Variants in NSL1 observed in about 807,000 individuals in gnomAD.
NSL1 encodes NSL1 component of MIS12 kinetochore complex.
Under a neutral mutation model 25.4 loss-of-function variants are expected in NSL1, and 11 were observed. The observed-to-expected ratio is 0.43, with a 90% CI of 0.27 to 0.72. NSL1 has a LOEUF of 0.72. NSL1 is among the 30% of genes least tolerant of loss of function. The probability of loss-of-function intolerance (pLI) is 0.19; values close to 1 mark genes in which losing one functional copy is unlikely to be tolerated. For missense variants in NSL1, 330 were observed against 342.7 expected (o/e 0.96, Z 0.29); for synonymous variants, 118 against 120.6 (o/e 0.98, Z 0.14).
At chr1:212,767,103 T>C (rs1391287844) in intron 4 of NSL1, among the ~76,000 whole-genome samples, 2 of 152,064 alleles carry the variant, frequency 1.3e-5, no homozygotes, top group African/African-American at 4.8e-5. Flanking sequence ...CTAAAATTCA[T>C]ATGAAACCAA....
intron 1 of NSL1, among the ~76,000 whole-genome samples, chr1:212,788,100 G>A (rs1222890665): frequency 1.3e-5 from 2 of 152,162 alleles, no homozygotes; most frequent in Non-Finnish European, 2.9e-5. Context: ...AATGACATGA[G>A]ATCTAAGATA....
At chr1:212,749,343 T>G (rs1425702275) in intron 4 of NSL1, among the ~76,000 whole-genome samples, 1 of 135,916 alleles carries the variant, frequency 7.4e-6, no homozygotes, top group African/African-American at 3.0e-5. Flanking sequence ...TATTGTGTTT[T>G]TTTTTTTTTT....
chr1:212,747,127 GC>G (rs1447371820), intron 4 of NSL1, among the ~76,000 whole-genome samples: 6 of 110,456 alleles, frequency 5.4e-5, no homozygotes, highest in African/African-American at 2.1e-4. Flanking sequence ...GGGCGACAGA[GC>G]AAAAAAAAAA....
At chr1:212,786,877 A>G (rs776919738) in intron 2 of NSL1, among the ~76,000 whole-genome samples, 28 of 152,204 alleles carry the variant, frequency 1.8e-4, no homozygotes, top group Non-Finnish European at 3.7e-4. Context: ...GGTGCCTACT[A>G]TGAGCCAAGA....
At position 212,737,765 on chromosome 1, in the gene NSL1, A is replaced by C; in HGVS notation, c.*643T>G. 1.0e-6 allele frequency: 1 copy of C among 984,966 alleles called. No individual in the cohort carries two copies. The highest frequency in any genetic ancestry group is 1.2e-6 in the Non-Finnish European group (1 of 829,476). 61.0% of individuals were successfully genotyped at this position (984,966 alleles called of 1,614,324 possible). A position where few individuals can be genotyped will look rare whatever the true frequency, so the allele number is the denominator to read the frequency against. ...AGTGTGGGCAGGAAACATTGGCTAC[A>C]TGCCAATTTTTATTTCAAAGAGTAA... On this transcript the variant is annotated 3_prime_UTR_variant, in exon 6 of 6. Transcript: ENST00000366977.
At chr1:212,756,262 G>A (rs916314557) in intron 4 of NSL1, among the ~76,000 whole-genome samples, 3 of 151,996 alleles carry the variant, frequency 2.0e-5, no homozygotes, top group Non-Finnish European at 4.4e-5. Context: ...TGGAACTACA[G>A]GCATGCACCA....
chr1:212,777,433 C>T (rs1238692483), intron 4 of NSL1, among the ~76,000 whole-genome samples: 3 of 151,868 alleles, frequency 2.0e-5, no homozygotes, highest in Non-Finnish European at 4.4e-5. Flanking sequence ...AAGTTAGTCC[C>T]CCTGTAAAGG....
In NSL1 at chr1:212,732,854, G is replaced by A. The variant is rs186060061; in HGVS notation, c.*5554C>T. Among the ~76,000 whole-genome samples, 1 of 152,240 alleles carries A rather than the reference G, an allele frequency of 6.6e-6. No individual in the cohort carries two copies. The highest frequency in any genetic ancestry group is 1.9e-4 in the East Asian group (1 of 5,184). ...CATGCACTTGATTATTAGTTTGACT[G>A]TGTATAAAAGCCTAGGTTGTATATC... On this transcript the variant is annotated 3_prime_UTR_variant, in exon 6 of 6. Transcript: ENST00000366977.
intron 4 of NSL1, among the ~76,000 whole-genome samples, chr1:212,752,193 CT>C (rs1247261304): frequency 3.3e-5 from 5 of 152,258 alleles, no homozygotes; most frequent in African/African-American, 1.2e-4. Flanking sequence ...AGTATTTCAG[CT>C]ACATTATAGA....
chr1:212,778,586 A>C (rs1660496333), intron 4 of NSL1, among the ~76,000 whole-genome samples: 1 of 152,024 alleles, frequency 6.6e-6, no homozygotes. Flanking sequence ...TTTTTGGTGG[A>C]GACGGGGTTT....
At chr1:212,779,563 G>A (rs1166361946) in intron 4 of NSL1, among the ~76,000 whole-genome samples, 1 of 108,640 alleles carries the variant, frequency 9.2e-6, no homozygotes, top group Non-Finnish European at 1.9e-5. Context: ...AGGTGGGGGT[G>A]TCAGCCCCCC....
rs1324724591 is a variant in NSL1 at position 212,727,155 on chromosome 1, A to G, written c.*11253T>C. On this transcript the variant is annotated 3_prime_UTR_variant, in exon 6 of 6. Transcript: ENST00000366977. ...TCCCCTTCTCTCCTAAACTGCCCCT[A>G]GAGCTAGTCCACCAGGCTTGGCTCC... 3 of 1,576,218 alleles carry G rather than the reference A, an allele frequency of 1.9e-6. No individual in the cohort carries two copies. Among genetic ancestry groups the G allele is most frequent in the Non-Finnish European group, 2.6e-6 (3 of 1,161,506 alleles).
rs768266636 is a variant in NSL1 at position 212,727,159 on chromosome 1, C to T, written c.*11249G>A. On this transcript the variant is annotated 3_prime_UTR_variant, in exon 6 of 6. Transcript: ENST00000366977. ...CTTCTCTCCTAAACTGCCCCTAGAG[C>T]TAGTCCACCAGGCTTGGCTCCTAAT... 6.4e-7 allele frequency: 1 copy of T among 1,574,646 alleles called. No homozygotes were observed. The highest frequency in any genetic ancestry group is 1.2e-5 in the South Asian group (1 of 85,386).
chr1:212,784,310 T>C, intron 3 of NSL1, 53 bp downstream of exon 3: 1 of 1,257,240 alleles, frequency 8.0e-7, no homozygotes, highest in Non-Finnish European at 1.1e-6. Context: ...TATATTTTAA[T>C]GTTTTTATTG....
At chr1:212,753,879 TG>T (rs1558046708) in intron 4 of NSL1, among the ~76,000 whole-genome samples, 1 of 152,202 alleles carries the variant, frequency 6.6e-6, no homozygotes, top group Non-Finnish European at 1.5e-5. Context: ...AGTATTTTAA[TG>T]AGGGTGGTTA....
Position 212,731,757 on chromosome 1 carries a change from C to T in NSL1, c.*6651G>A. 1 of 985,378 alleles carries T rather than the reference C, an allele frequency of 1.0e-6. No homozygotes were observed. The highest frequency in any genetic ancestry group is 1.2e-6 in the Non-Finnish European group (1 of 829,900). 61.0% of individuals were successfully genotyped at this position (985,378 alleles called of 1,614,324 possible). On this transcript the variant is annotated 3_prime_UTR_variant, in exon 6 of 6. Transcript: ENST00000366977. ...TGTGGTGGGTGAAGATTTCACTCCC[C>T]ACTGCCATGTCAAAGCTGGTGTTCA... is the stretch of plus-strand genomic sequence containing the variant.
chr1:212,788,523 C>CA (rs1053408131), intron 1 of NSL1, among the ~76,000 whole-genome samples: 15 of 151,690 alleles, frequency 9.9e-5, no homozygotes, highest in African/African-American at 2.7e-4. Context: ...GATAAAGAAC[C>CA]AAAAAACAAA....
chr1:212,732,316 C>CTTT lies in NSL1; in HGVS notation c.*6089_*6091dup, dbSNP rs10695741. The stretch of plus-strand genomic sequence containing the variant: ...ATCTCTTTTGGAGTCCTACATAGTC[C>CTTT]TTTTTTTTTTTTTGAGATGAAGTTT... On this transcript the variant is annotated 3_prime_UTR_variant, in exon 6 of 6. Transcript: ENST00000366977. 47,427 of 815,572 alleles carry CTTT rather than the reference C, an allele frequency of 0.058. 372 individuals carry two copies. Among genetic ancestry groups the CTTT allele is most frequent in the African/African-American group, 0.085 (4,341 of 50,830 alleles). The allele number at this position is 815,572 out of a possible 1,614,324, so 50.5% of individuals were successfully genotyped here.
At chr1:212,764,078 T>G (rs1321354798) in intron 4 of NSL1, 1 of 417,402 alleles carries the variant, frequency 2.4e-6, no homozygotes, top group African/African-American at 2.1e-5. Flanking sequence ...CTATCAAGTA[T>G]CTTCTCAGAC....
Sources: gnomAD v4.1 joint callset for allele counts (sites outside exome capture counted in the v4.1 genomes callset) on GRCh38, gnomAD v4.1.1 for gene constraint, MANE v1.5 for transcripts, NCBI Gene and HGNC (gene_info 2026-07-23, HGNC 2026-07-21) for gene names.